Variants in SUPT3H observed in about 807,000 individuals in gnomAD.
The protein encoded by SUPT3H is SPT3 homolog, SAGA and STAGA complex component, also known as transcription initiation protein SPT3 homolog.
In SUPT3H, 44 loss-of-function variants were observed where a neutral mutation model predicts 44.3. The observed-to-expected ratio is 0.99, with a 90% confidence interval of 0.78 to 1.28. The LOEUF (loss-of-function observed/expected upper bound fraction) is 1.28, where lower values mean the gene tolerates loss of function less well. Among genes scored for constraint, SUPT3H ranks in the 50% most tolerant of loss-of-function variants. The pLI, the probability that SUPT3H is intolerant of heterozygous loss-of-function variation, is 0.00. For missense variants in SUPT3H, 380 were observed against 387.1 expected (o/e 0.98, Z 0.15); for synonymous variants, 124 against 125.6 (o/e 0.99, Z 0.09).
intron 2 of SUPT3H, among the ~76,000 whole-genome samples, chr6:45,218,120 A>G (rs1361824982): frequency 6.6e-6 from 1 of 152,152 alleles, no homozygotes; most frequent in African/African-American, 2.4e-5. Flanking sequence ...CAGAGTACAT[A>G]AAAACACGTG....
intron 2 of SUPT3H, among the ~76,000 whole-genome samples, chr6:45,360,817 A>T (rs747240160): frequency 2.3e-4 from 35 of 152,156 alleles, no homozygotes; most frequent in Non-Finnish European, 4.4e-4. Flanking sequence ...CTACAGACCT[A>T]AACGTAGGTA....
chr6:45,098,298 T>C (rs959843239), intron 3 of SUPT3H: 5 of 155,052 alleles, frequency 3.2e-5, no homozygotes, highest in African/African-American at 1.2e-4. Flanking sequence ...GGTCTGCCCA[T>C]CCAGGTTAAT....
intron 2 of SUPT3H, among the ~76,000 whole-genome samples, chr6:45,121,439 A>G (rs1182691109): frequency 1.3e-5 from 2 of 152,024 alleles, no homozygotes; most frequent in Non-Finnish European, 2.9e-5. Context: ...ATATTAGATT[A>G]CTAAATCTGG....
At chr6:45,019,732 C>T (rs1784843218) in intron 4 of SUPT3H, among the ~76,000 whole-genome samples, 1 of 151,996 alleles carries the variant, frequency 6.6e-6, no homozygotes, top group Non-Finnish European at 1.5e-5. Flanking sequence ...CAGAAACTTT[C>T]ACTTTAAAAA....
intron 2 of SUPT3H, among the ~76,000 whole-genome samples, chr6:45,334,051 T>C (rs77375322): frequency 0.029 from 4,435 of 151,332 alleles, 92 homozygotes; most frequent in Non-Finnish European, 0.047. Flanking sequence ...CAGAAATATA[T>C]CTAAGATTAT....
At chr6:44,964,080 G>A (rs1027135765) in intron 6 of SUPT3H, among the ~76,000 whole-genome samples, 7 of 151,950 alleles carry the variant, frequency 4.6e-5, no homozygotes, top group South Asian at 4.2e-4. Flanking sequence ...ATCTATGTAC[G>A]TATGTTTGTG....
chr6:44,899,435 C>T (rs1157659347), intron 10 of SUPT3H: 1 of 152,112 alleles, frequency 6.6e-6, no homozygotes, highest in African/African-American at 2.4e-5. Flanking sequence ...TGCCTGTAAT[C>T]CCAGCGCTTT....
At chr6:45,035,667 T>A (rs1273235235) in intron 3 of SUPT3H, among the ~76,000 whole-genome samples, 1 of 152,080 alleles carries the variant, frequency 6.6e-6, no homozygotes, top group African/African-American at 2.4e-5. Flanking sequence ...AAGGGAAAAA[T>A]TATCCAAAAC....
At chr6:45,333,741 A>G (rs1787982920) in intron 2 of SUPT3H, among the ~76,000 whole-genome samples, 1 of 151,432 alleles carries the variant, frequency 6.6e-6, no homozygotes, top group Admixed American at 6.6e-5. Flanking sequence ...TAGTTGCTAC[A>G]TAAGTACTTA....
At chr6:44,975,836 T>TA (rs1359680468) in intron 6 of SUPT3H, among the ~76,000 whole-genome samples, 3 of 151,746 alleles carry the variant, frequency 2.0e-5, no homozygotes, top group Non-Finnish European at 4.4e-5. Flanking sequence ...AGCTCATTAT[T>TA]AAAAAAAAGA....
chr6:45,309,808 T>C (rs1388720378), intron 2 of SUPT3H, among the ~76,000 whole-genome samples: 1 of 152,042 alleles, frequency 6.6e-6, no homozygotes, highest in African/African-American at 2.4e-5. Context: ...GTTTTCTCGG[T>C]AGACACCTTA....
chr6:45,322,556 C>T (rs993660788), intron 2 of SUPT3H, among the ~76,000 whole-genome samples: 5 of 151,884 alleles, frequency 3.3e-5, no homozygotes, highest in Admixed American at 1.3e-4. Flanking sequence ...AGTATTCTAG[C>T]GCTTCATTTT....
At chr6:44,951,576 A>G (rs1774320459) in intron 9 of SUPT3H, among the ~76,000 whole-genome samples, 1 of 152,022 alleles carries the variant, frequency 6.6e-6, no homozygotes, top group African/African-American at 2.4e-5. Context: ...ATACTAACAT[A>G]TTTTGTCAGG....
intron 9 of SUPT3H, among the ~76,000 whole-genome samples, chr6:44,941,306 A>G (rs940660856): frequency 6.6e-6 from 1 of 152,042 alleles, no homozygotes; most frequent in African/African-American, 2.4e-5. Flanking sequence ...TCCTTTGAGC[A>G]TTTTGTGTAA....
chr6:44,923,453 T>C (rs1217994824), intron 10 of SUPT3H, among the ~76,000 whole-genome samples: 1 of 152,118 alleles, frequency 6.6e-6, no homozygotes, highest in Non-Finnish European at 1.5e-5. Context: ...TTCATAATTG[T>C]TCTGTTGATT....
At chr6:45,159,589 T>G (rs945370628) in intron 2 of SUPT3H, 1 of 152,186 alleles carries the variant, frequency 6.6e-6, no homozygotes, top group Non-Finnish European at 1.5e-5. Flanking sequence ...TTCATCTACA[T>G]AGTTTCTGAA....
intron 3 of SUPT3H, among the ~76,000 whole-genome samples, chr6:45,024,627 C>T (rs1056793442): frequency 1.6e-4 from 24 of 151,740 alleles, no homozygotes; most frequent in Non-Finnish European, 2.8e-4. Flanking sequence ...TTCTTTTTAC[C>T]TTTGTGTACT....
chr6:44,982,180 C>T (rs1779182753), intron 6 of SUPT3H, among the ~76,000 whole-genome samples: 1 of 148,422 alleles, frequency 6.7e-6, no homozygotes, highest in Admixed American at 7.1e-5. Context: ...TGCAATGATT[C>T]TTTTTGTTTG....
Position 45,365,211 on chromosome 6 carries a change from GTAA to G in SUPT3H, c.88_90del (p.Leu30del), listed in dbSNP as rs1395571223. ...CAGGGACATACTTACATCATACTCTGTAATTCTGTTGCAAAGCTTATAGACTTC... is the reference window on the plus strand; with the variant it reads ...CAGGGACATACTTACATCATACTCTGTTCTGTTGCAAAGCTTATAGACTTC... On this transcript the variant is annotated inframe_deletion, in exon 2 of 11. Transcript: ENST00000371459. 1 of 1,606,956 alleles carries G rather than the reference GTAA, an allele frequency of 6.2e-7. No individual in the cohort carries two copies. Among genetic ancestry groups the G allele is most frequent in the Non-Finnish European group, 8.5e-7 (1 of 1,175,264 alleles).
Sources: allele counts gnomAD v4.1 joint callset (sites outside exome capture counted in the v4.1 genomes callset), GRCh38; gene constraint gnomAD v4.1.1; transcripts MANE v1.5; gene names NCBI Gene and HGNC (gene_info 2026-07-23, HGNC 2026-07-21).